The following SHQ1 variants were observed in gnomAD, a reference collection of about 807,000 sequenced individuals.
The protein encoded by SHQ1 is protein SHQ1 homolog.
A neutral mutation model predicts 53.8 loss-of-function variants in SHQ1; 49 were observed. That is an observed-to-expected ratio of 0.91 (90% CI 0.72 to 1.16). The LOEUF is 1.16. Ranked by LOEUF, SHQ1 falls within the 50% of genes most tolerant of loss-of-function variation. The pLI, the probability that SHQ1 is intolerant of heterozygous loss-of-function variation, is 0.00. For missense variants in SHQ1, 738 were observed against 683.1 expected (o/e 1.08, Z -0.90); for synonymous variants, 243 against 251.0 (o/e 0.97, Z 0.30).
intron 1 of SHQ1, chr3:72,846,346 G>C: frequency 2.0e-6 from 3 of 1,512,780 alleles, no homozygotes; most frequent in Non-Finnish European, 2.6e-6. Context: ...TCAGGCTGGA[G>C]TGCGATAGCG....
chr3:72,733,804 T>C, the SHQ1 span, among the ~76,000 whole-genome samples: 1 of 151,504 alleles, frequency 6.6e-6, no homozygotes, highest in South Asian at 2.1e-4. Context: ...TAAAATAAAA[T>C]GTAAGTTTAG....
Position 72,815,333 on chromosome 3 carries a change from G to C in SHQ1, c.936+17C>G, listed in dbSNP as rs775241185. 4 of 1,607,450 alleles carry C rather than the reference G, an allele frequency of 2.5e-6. No homozygotes were observed. Among genetic ancestry groups the C allele is most frequent in the East Asian group, 4.5e-5 (2 of 44,808 alleles). ...CCTGAACAACAAATTCTAAACAATT[G>C]CAACTGGAAATCATACCTCAAACCA... On this transcript the variant is annotated intron_variant, in intron 8 of 10. Coordinates refer to ENST00000325599, the MANE Select transcript of SHQ1 (RefSeq NM_018130.3).
chr3:72,786,984 T>G lies in SHQ1; in HGVS notation c.1181+5932A>C, dbSNP rs575106154. On this transcript the variant is annotated intron_variant, in intron 10 of 10. Transcript: ENST00000325599. ...TAATCCTATCCCCTTCAAAAGCACA[T>G]GCACATAGAAAGCAACTCAAGAATC... Among the ~76,000 whole-genome samples, 4 of 152,334 alleles carry G rather than the reference T, an allele frequency of 2.6e-5. No individual in the cohort carries two copies. The South Asian group carries it at 8.3e-4, about 32-fold the overall frequency.
chr3:72,773,483 T>TAA (rs1363682251), intron 10 of SHQ1: 78 of 154,788 alleles, frequency 5.0e-4, no homozygotes, highest in South Asian at 1.7e-3. Flanking sequence ...AAAGACAGCT[T>TAA]AAAAAAAAAA....
At chr3:72,805,571 A>T (rs1706915824) in intron 9 of SHQ1, among the ~76,000 whole-genome samples, 1 of 152,196 alleles carries the variant, frequency 6.6e-6, no homozygotes, top group African/African-American at 2.4e-5. Context: ...CATTCAAACC[A>T]TGTAACTAAG....
chr3:72,756,424 C>T (rs986193591), intron 10 of SHQ1, among the ~76,000 whole-genome samples: 5 of 151,922 alleles, frequency 3.3e-5, no homozygotes, highest in African/African-American at 4.8e-5. Flanking sequence ...TACAGGCATG[C>T]GCCACCACGC....
At chr3:72,773,450 C>A in intron 10 of SHQ1, 2 of 359,646 alleles carry the variant, frequency 5.6e-6, no homozygotes, top group South Asian at 2.6e-5. Context: ...TCGGAGTGAT[C>A]AGAGTGTTCA....
At chr3:72,842,696 T>C (rs185368393) in intron 2 of SHQ1, among the ~76,000 whole-genome samples, 82 of 152,360 alleles carry the variant, frequency 5.4e-4, no homozygotes, top group African/African-American at 2.0e-3. Flanking sequence ...GCTCTAAAAC[T>C]ATGCCCTCAT....
the SHQ1 span, among the ~76,000 whole-genome samples, chr3:72,743,740 T>C: frequency 6.6e-6 from 1 of 152,310 alleles, no homozygotes; most frequent in South Asian, 2.1e-4. Flanking sequence ...GGACAGAACG[T>C]TGTGTGGGAT....
intron 10 of SHQ1, among the ~76,000 whole-genome samples, chr3:72,765,557 A>ATATATATTTTTTT (rs1491527508): frequency 1.9e-4 from 11 of 57,186 alleles, no homozygotes; most frequent in African/African-American, 8.7e-4. Flanking sequence ...ATATATATAT[A>ATATATATTTTTTT]TTTTTTTTTT....
chr3:72,796,218 T>C lies in SHQ1; in HGVS notation c.1061-3182A>G, dbSNP rs141040691. ...AAAAAAGGAGAATAAGCAGATGAGT[T>C]TGGTAGAAATCAGACACTAACAAGG... On this transcript the variant is annotated intron_variant, in intron 9 of 10. Transcript: ENST00000325599. Among the ~76,000 whole-genome samples, 763 of 151,666 alleles carry C rather than the reference T, an allele frequency of 5.0e-3. 7 individuals are homozygous for C. The highest frequency in any genetic ancestry group is 0.016 in the African/African-American group (671 of 41,342).
chr3:72,804,665 C>T (rs994142193), intron 9 of SHQ1, among the ~76,000 whole-genome samples: 1 of 152,166 alleles, frequency 6.6e-6, no homozygotes. Context: ...ATATCTGCCA[C>T]TTGTTATTTT....
chr3:72,806,358 G>A (rs1367362146), intron 9 of SHQ1, among the ~76,000 whole-genome samples: 1 of 152,086 alleles, frequency 6.6e-6, no homozygotes, highest in Non-Finnish European at 1.5e-5. Flanking sequence ...TGCTACTTCA[G>A]TATCTGACTT....
intron 10 of SHQ1, among the ~76,000 whole-genome samples, chr3:72,771,080 G>A (rs1705838998): frequency 6.6e-6 from 1 of 152,136 alleles, no homozygotes; most frequent in East Asian, 1.9e-4. Flanking sequence ...CCTGAAGGAA[G>A]GTATCTAGTG....
At chr3:72,739,304 C>A in the SHQ1 span, among the ~76,000 whole-genome samples, 1 of 152,192 alleles carries the variant, frequency 6.6e-6, no homozygotes, top group East Asian at 1.9e-4. Flanking sequence ...CCGACAATCC[C>A]CCTCCTCATC....
the SHQ1 span, among the ~76,000 whole-genome samples, chr3:72,733,075 G>C: frequency 2.0e-5 from 3 of 151,550 alleles, no homozygotes; most frequent in African/African-American, 7.3e-5. Context: ...GAGAGAGGTG[G>C]GGTGGAGCCC....
In SHQ1 at chr3:72,806,490, AC is replaced by A. The variant is rs1295596104; in HGVS notation, c.1060+6180del. On this transcript the variant is annotated intron_variant, in intron 9 of 10. Transcript: ENST00000325599. The stretch of plus-strand genomic sequence containing the variant: ...CAATTTAGAATAGGAGGAAGAAAAC[AC>A]AAGGAATTACAATCTCCCGGGTGAG... Among the ~76,000 whole-genome samples, 9 of 152,230 alleles carry A rather than the reference AC, an allele frequency of 5.9e-5. 1 individual carries two copies. Among genetic ancestry groups the A allele is most frequent in the Non-Finnish European group, 1.3e-4 (9 of 68,046 alleles).
At chr3:72,834,099 T>C (rs563328847) in intron 4 of SHQ1, among the ~76,000 whole-genome samples, 26 of 152,354 alleles carry the variant, frequency 1.7e-4, no homozygotes, top group Admixed American at 4.6e-4. Context: ...ATAGAGCCTC[T>C]CCAATCAAAA....
intron 5 of SHQ1, among the ~76,000 whole-genome samples, chr3:72,826,500 T>C (rs1284047110): frequency 6.6e-6 from 1 of 152,254 alleles, no homozygotes. Flanking sequence ...CCATGATCCA[T>C]GTTAGGCACT....
Sources: allele counts gnomAD v4.1 joint callset (sites outside exome capture counted in the v4.1 genomes callset), GRCh38; gene constraint gnomAD v4.1.1; transcripts MANE v1.5; gene names NCBI Gene and HGNC (gene_info 2026-07-23, HGNC 2026-07-21).